The following EGFR variants were observed in gnomAD, a reference collection of about 807,000 sequenced individuals.
EGFR encodes avian erythroblastic leukemia viral (v-erb-b) oncogene homolog.
In EGFR, 58 loss-of-function variants were observed where a neutral mutation model predicts 143.0. The observed-to-expected ratio is 0.41, with a 90% CI of 0.33 to 0.50. EGFR has a LOEUF of 0.50. Ranked by LOEUF, EGFR falls within the 20% of genes least tolerant of loss-of-function variation. EGFR has a pLI of 0.39. For synonymous variants in EGFR, 613 were observed against 594.4 expected, an observed-to-expected ratio of 1.03 and a Z score of -0.45; for missense variants, 1,307 against 1,579.0, an observed-to-expected ratio of 0.83 and a Z score of 2.92.
At chr7:55,030,101 C>CGTAATCACCAGGCTGGTGA (rs1391803134) in intron 1 of EGFR, among the ~76,000 whole-genome samples, 1 of 152,124 alleles carries the variant, frequency 6.6e-6, no homozygotes. Context: ...TGCTGTTGTC[C>CGTAATCACCAGGCTGGTGA]GTAATCACCA....
chr7:55,139,751 T>C (rs1794353419), intron 1 of EGFR, among the ~76,000 whole-genome samples: 1 of 152,186 alleles, frequency 6.6e-6, no homozygotes, highest in African/African-American at 2.4e-5. Context: ...ATAAGGTCTG[T>C]TTCCTCAGAA....
rs1788215503 is a variant in EGFR at position 55,210,592 on chromosome 7, A to G, written c.*4975A>G. On this transcript the variant is annotated 3_prime_UTR_variant, in exon 28 of 28. Coordinates refer to ENST00000275493, the MANE Select transcript of EGFR (RefSeq NM_005228.5). ...ACTTGGAGGCAAATTCTGCAGGTGTATGTGATTCTCAGGCCTAGAGAGCTA... is the reference window on the plus strand; with the variant it reads ...ACTTGGAGGCAAATTCTGCAGGTGTGTGTGATTCTCAGGCCTAGAGAGCTA... 2 of 152,212 alleles carry G rather than the reference A, an allele frequency of 1.3e-5. No homozygotes were observed. The highest frequency in any genetic ancestry group is 4.1e-4 in the South Asian group (2 of 4,834). 9.4% of individuals were successfully genotyped at this position (152,212 alleles called of 1,614,324 possible). A position where few individuals can be genotyped will look rare whatever the true frequency, so the allele number is the denominator to read the frequency against.
intron 1 of EGFR, among the ~76,000 whole-genome samples, chr7:55,111,977 T>C (rs1486353938): frequency 5.3e-5 from 8 of 152,144 alleles, no homozygotes; most frequent in Non-Finnish European, 8.8e-5. Context: ...GATTGCGTGA[T>C]GGGCTTGGGG....
chr7:55,124,405 A>G (rs1793397605), intron 1 of EGFR, among the ~76,000 whole-genome samples: 1 of 152,190 alleles, frequency 6.6e-6, no homozygotes, highest in Non-Finnish European at 1.5e-5. Context: ...CAGTTCTTAA[A>G]TTTTCAGATT....
At chr7:55,064,102 A>G (rs957363745) in intron 1 of EGFR, among the ~76,000 whole-genome samples, 1 of 152,226 alleles carries the variant, frequency 6.6e-6, no homozygotes, top group Admixed American at 6.5e-5. Flanking sequence ...TTTTTGATAT[A>G]CAAAATAATA....
At chr7:55,113,423 C>T (rs569538385) in intron 1 of EGFR, among the ~76,000 whole-genome samples, 1 of 152,240 alleles carries the variant, frequency 6.6e-6, no homozygotes, top group East Asian at 1.9e-4. Context: ...GTGAAATATA[C>T]AGTTGAAAAC....
chr7:55,193,211 G>A (rs560320139), intron 22 of EGFR, among the ~76,000 whole-genome samples: 1 of 152,284 alleles, frequency 6.6e-6, no homozygotes, highest in East Asian at 1.9e-4. Context: ...GCTTAATGGG[G>A]AATAGTTCCG....
In EGFR at chr7:55,157,678, A is replaced by G. The variant is rs2128939619; in HGVS notation, c.1223A>G (p.Gln408Arg). Residue 408 changes from glutamine to arginine, a missense_variant, in exon 11 of 28, where the codon CAG becomes CGG. This residue lies in a region of EGFR where 250 missense variants were observed against 295.1 expected (regional missense o/e 0.85). Transcript: ENST00000275493. ...VKEITGFLLI[Q>R]AWPENRTDLH... ...TGCCTTACAGGGTTTTTGCTGATTCAGGCTTGGCCTGAAAACAGGACGGAC... is the reference window on the plus strand; with the variant it reads ...TGCCTTACAGGGTTTTTGCTGATTCGGGCTTGGCCTGAAAACAGGACGGAC... 1.2e-6 allele frequency: 2 copies of G among 1,614,236 alleles called. No homozygotes were observed. Among genetic ancestry groups the G allele is most frequent in the East Asian group, 2.2e-5 (1 of 44,890 alleles).
At chr7:55,199,012 T>C (rs1235962658) in intron 23 of EGFR, 149 bp downstream of exon 23, 1 of 1,036,336 alleles carries the variant, frequency 9.6e-7, no homozygotes, top group East Asian at 2.6e-5. Flanking sequence ...TAAATACCCC[T>C]TCAAGCATTC....
chr7:55,072,030 G>A (rs1213259359), intron 1 of EGFR, among the ~76,000 whole-genome samples: 7 of 151,558 alleles, frequency 4.6e-5, no homozygotes, highest in South Asian at 2.1e-4. Flanking sequence ...AAATACTTTC[G>A]CACACACTGT....
At chr7:55,095,389 A>T (rs17336108) in intron 1 of EGFR, among the ~76,000 whole-genome samples, 1,809 of 152,318 alleles carry the variant, frequency 0.012, 28 homozygotes, top group African/African-American at 0.036. Context: ...CATTGTCATT[A>T]TTTGCCTTCT....
At chr7:55,204,278 C>T (rs1254721235) in intron 27 of EGFR, among the ~76,000 whole-genome samples, 1 of 145,366 alleles carries the variant, frequency 6.9e-6, no homozygotes, top group Non-Finnish European at 1.5e-5. Context: ...ACCACACATA[C>T]ATACACATCC....
At chr7:55,042,663 C>T (rs1376248043) in intron 1 of EGFR, among the ~76,000 whole-genome samples, 1 of 152,050 alleles carries the variant, frequency 6.6e-6, no homozygotes, top group Non-Finnish European at 1.5e-5. Flanking sequence ...GCTCACCAAC[C>T]AGGTGATTTT....
chr7:55,115,759 G>A (rs976625798), intron 1 of EGFR, among the ~76,000 whole-genome samples: 4 of 152,130 alleles, frequency 2.6e-5, no homozygotes, highest in East Asian at 1.9e-4. Flanking sequence ...AGCCAATGCC[G>A]TCATACAGTA....
At chr7:55,193,235 G>A (rs1325689549) in intron 22 of EGFR, among the ~76,000 whole-genome samples, 1 of 152,158 alleles carries the variant, frequency 6.6e-6, no homozygotes, top group African/African-American at 2.4e-5. Context: ...GAGAAATGAG[G>A]CTTAAGATGA....
At chr7:55,204,299 CAT>C (rs1007363469) in intron 27 of EGFR, among the ~76,000 whole-genome samples, 5 of 145,288 alleles carry the variant, frequency 3.4e-5, no homozygotes, top group African/African-American at 1.3e-4. Flanking sequence ...ACACACCACA[CAT>C]GTACACACGC....
chr7:55,079,188 C>T (rs1790316934), intron 1 of EGFR, among the ~76,000 whole-genome samples: 2 of 152,036 alleles, frequency 1.3e-5, no homozygotes, highest in Non-Finnish European at 1.5e-5. Context: ...AACTTACCAC[C>T]AGGGGACTCG....
intron 13 of EGFR, among the ~76,000 whole-genome samples, chr7:55,162,073 T>C (rs925042336): frequency 6.6e-6 from 1 of 152,234 alleles, no homozygotes; most frequent in East Asian, 1.9e-4. Flanking sequence ...GCCCCCAGCA[T>C]GTGTTGAACA....
At chr7:55,101,218 G>A (rs147643088) in intron 1 of EGFR, among the ~76,000 whole-genome samples, 26 of 152,338 alleles carry the variant, frequency 1.7e-4, no homozygotes, top group Middle Eastern at 3.4e-3. Flanking sequence ...CTTTACGCTT[G>A]CGTCACTGGG....
Sources: allele counts gnomAD v4.1 joint callset (sites outside exome capture counted in the v4.1 genomes callset), GRCh38; gene constraint gnomAD v4.1.1; regional missense constraint gnomAD v4.1.1; transcripts MANE v1.5; gene names NCBI Gene and HGNC (gene_info 2026-07-23, HGNC 2026-07-21).